The following OAS1 variants were observed in gnomAD, a reference collection of about 807,000 sequenced individuals.
OAS1 encodes 2'-5'-oligoadenylate synthetase 1.
Under a neutral mutation model 38.5 loss-of-function variants are expected in OAS1, and 24 were observed. The observed-to-expected ratio is 0.62, with a 90% confidence interval of 0.45 to 0.88. OAS1 has a LOEUF of 0.88. Among genes scored for constraint, OAS1 ranks in the 40% least tolerant of loss-of-function variants. The probability of loss-of-function intolerance (pLI) is 0.00; values close to 1 mark genes in which losing one functional copy is unlikely to be tolerated. For synonymous variants in OAS1, 169 were observed against 193.9 expected, an observed-to-expected ratio of 0.87 and a Z score of 1.07; for missense variants, 482 against 493.9, an observed-to-expected ratio of 0.98 and a Z score of 0.23.
At chr12:112,916,479 T>A in intron 3 of OAS1, 30 bp from the exon 4 acceptor site, 1 of 1,594,702 alleles carries the variant, frequency 6.3e-7, no homozygotes, top group Non-Finnish European at 8.6e-7. Context: ...AGCAAACCAA[T>A]TTTTTTCTGA....
chr12:112,918,318 G>A (rs891272596), intron 5 of OAS1: 1 of 187,990 alleles, frequency 5.3e-6, no homozygotes, highest in South Asian at 1.0e-4. Context: ...CTGCAACCAT[G>A]ATTTCATTCT....
At chr12:112,909,532 A>G (rs1004736891) in intron 2 of OAS1, among the ~76,000 whole-genome samples, 1 of 152,142 alleles carries the variant, frequency 6.6e-6, no homozygotes. Context: ...GTGGTGGTAC[A>G]TGCCTGTGGT....
chr12:112,920,668 A>G (rs1299268374), downstream of OAS1, among the ~76,000 whole-genome samples: 4 of 152,304 alleles, frequency 2.6e-5, no homozygotes, highest in South Asian at 2.1e-4. Context: ...AAGAATCAAC[A>G]TATCATTCAT....
At position 112,925,713 on chromosome 12, in the gene OAS1, G is replaced by A. The variant is rs528390962; in HGVS notation, c.1167+6098G>A. The stretch of plus-strand genomic sequence containing the variant: ...AGGAGGAAGAATTCCTTGAGCCCAC[G>A]AAGTCAAGGCTGCAGTGAGCCATGA... On this transcript the variant is annotated intron_variant, in intron 6 of 6. Transcript: ENST00000540589. 1.6e-3 allele frequency among the ~76,000 whole-genome samples: 241 copies of A among 152,268 alleles called. 1 individual carries two copies. The highest frequency in any genetic ancestry group is 2.9e-3 in the Non-Finnish European group (199 of 68,016).
At chr12:112,907,242 A>G (rs1400551770) in intron 1 of OAS1, 23 bp downstream of exon 1, 2 of 1,609,254 alleles carry the variant, frequency 1.2e-6, no homozygotes, top group Admixed American at 3.3e-5. Flanking sequence ...CTGCCTGGCC[A>G]GGGGAGGGGT....
chr12:112,914,738 T>TG (rs1565962017), intron 3 of OAS1, among the ~76,000 whole-genome samples: 2 of 150,778 alleles, frequency 1.3e-5, no homozygotes, highest in South Asian at 4.2e-4. Flanking sequence ...TTGTTTTTTT[T>TG]TTTTTTTTTT....
Position 112,908,796 on chromosome 12 carries a change from C to T in OAS1, c.441C>T (p.Phe147=), listed in dbSNP as rs1168654747. The change falls in exon 2 of 6, where the codon TTC becomes TTT. Residue 147 remains phenylalanine, a synonymous_variant. Coordinates refer to ENST00000202917, the MANE Select transcript of OAS1 (RefSeq NM_016816.4). The stretch of plus-strand genomic sequence containing the variant: ...TCCAGCTCGGGGAGGGGGTGGAGTT[C>T]GATGTGCTGCCTGCCTTTGATGCCC... ...SSLQLGEGVE[F]DVLPAFDALG... 5.0e-6 allele frequency: 8 copies of T among 1,603,142 alleles called. No homozygotes were observed. Among genetic ancestry groups the T allele is most frequent in the Middle Eastern group, 1.7e-4 (1 of 6,010 alleles).
At chr12:112,924,525 C>T (rs890775600), downstream of OAS1, among the ~76,000 whole-genome samples, 2 of 151,752 alleles carry the variant, frequency 1.3e-5, no homozygotes, top group African/African-American at 4.8e-5. Context: ...AGTTTCTTTT[C>T]ATTAATTTTT....
chr12:112,922,393 C>T (rs190432147), downstream of OAS1, among the ~76,000 whole-genome samples: 56 of 152,254 alleles, frequency 3.7e-4, no homozygotes, highest in African/African-American at 1.3e-3. Flanking sequence ...GAGTAGTGCC[C>T]TTTCAAGATA....
downstream of OAS1, among the ~76,000 whole-genome samples, chr12:112,922,863 G>A (rs1040522774): frequency 6.6e-6 from 1 of 152,104 alleles, no homozygotes. Flanking sequence ...CAAGTAAATG[G>A]GACTTCAGTT....
Position 112,919,414 on chromosome 12 carries a change from A to G in OAS1, c.1064A>G (p.Glu355Gly). The G allele has an allele frequency of 1.2e-6, 2 of 1,613,956 alleles. No individual in the cohort carries two copies. Among genetic ancestry groups the G allele is most frequent in the Non-Finnish European group, 1.7e-6 (2 of 1,179,836 alleles). Reference protein sequence around the residue: ...LLAESNSADDETDDPRRYQKY... With the variant: ...LLAESNSADDGTDDPRRYQKY... ...GCTGAAAGCAACAGTGCAGACGATG[A>G]GACCGACGATCCCAGGAGGTATCAG... is the stretch of plus-strand genomic sequence containing the variant. Residue 355 changes from glutamate to glycine, a missense_variant, in exon 6 of 6, where the codon GAG becomes GGG. Physicochemically the swap from Glu to Gly is moderately conservative, Grantham distance 98. Transcript: ENST00000202917.
At chr12:112,918,730 C>A in intron 5 of OAS1, 1 of 442,926 alleles carries the variant, frequency 2.3e-6, no homozygotes, top group Non-Finnish European at 4.6e-6. Flanking sequence ...TGCCTTGTCA[C>A]ATCCCCACCT....
chr12:112,919,842 C>A lies in OAS1; in HGVS notation c.*289C>A. ...ATTCCAGCCTTGACTTTCTTCTGTG[C>A]ACCTGATGGGAGGGTAATGTCTAAT... On this transcript the variant is annotated 3_prime_UTR_variant, in exon 6 of 6. Coordinates refer to ENST00000202917, the MANE Select transcript of OAS1 (RefSeq NM_016816.4). 2.0e-6 allele frequency: 2 copies of A among 1,024,522 alleles called. No homozygotes were observed. The highest frequency in any genetic ancestry group is 1.4e-6 in the Non-Finnish European group (1 of 724,654). 63.5% of individuals were successfully genotyped at this position (1,024,522 alleles called of 1,614,324 possible).
intron 1 of OAS1, among the ~76,000 whole-genome samples, chr12:112,907,476 C>G (rs2043313424): frequency 6.6e-6 from 1 of 152,206 alleles, no homozygotes; most frequent in Non-Finnish European, 1.5e-5. Flanking sequence ...AGTTTATGAA[C>G]CACTGTCCTG....
chr12:112,908,404 T>C (rs1026549138), intron 1 of OAS1, 132 bp from the exon 2 acceptor site: 37 of 772,954 alleles, frequency 4.8e-5, no homozygotes, highest in Non-Finnish European at 6.9e-5. Flanking sequence ...GTGAGCATTA[T>C]AGGAGTTTAA....
At chr12:112,914,248 C>T (rs547792976) in intron 3 of OAS1, among the ~76,000 whole-genome samples, 2 of 152,154 alleles carry the variant, frequency 1.3e-5, no homozygotes, top group African/African-American at 4.8e-5. Flanking sequence ...ATCCAGGTTG[C>T]TGTGAATGCC....
chr12:112,912,111 G>A (rs867091241), intron 3 of OAS1, among the ~76,000 whole-genome samples: 16 of 152,314 alleles, frequency 1.1e-4, no homozygotes, highest in Admixed American at 4.6e-4. Flanking sequence ...GCCAAGGCAG[G>A]TAGATTGCTT....
Position 112,911,061 on chromosome 12 carries a change from T to A in OAS1, c.480T>A (p.Thr160=), listed in dbSNP as rs369417393. 283 of 1,613,492 alleles carry A rather than the reference T, an allele frequency of 1.8e-4. No individual in the cohort carries two copies. Among genetic ancestry groups the A allele is most frequent in the Non-Finnish European group, 2.2e-4 (265 of 1,179,706 alleles). Residue 160 remains threonine, a synonymous_variant, in exon 3 of 6, where the codon ACT becomes ACA. Transcript: ENST00000202917. ...LPAFDALGQL[T]GGYKPNPQIY... is the part of the protein sequence containing the mutation. The stretch of plus-strand genomic sequence containing the variant: ...ATTTTGCCCGAACAGGTCAGTTGAC[T>A]GGCGGCTATAAACCTAACCCCCAAA...
At chr12:112,918,119 T>C (rs959356643) in intron 5 of OAS1, 3 of 266,962 alleles carry the variant, frequency 1.1e-5, no homozygotes, top group Non-Finnish European at 2.1e-5. Flanking sequence ...AATGGTGGGG[T>C]TTGGGCCTCT....
Sources: allele counts gnomAD v4.1 joint callset (sites outside exome capture counted in the v4.1 genomes callset), GRCh38; gene constraint gnomAD v4.1.1; transcripts MANE v1.5; gene names NCBI Gene and HGNC (gene_info 2026-07-23, HGNC 2026-07-21).